NKAIN2: variants seen among roughly 807,000 people sequenced by gnomAD.
NKAIN2 encodes sodium/potassium transporting ATPase interacting 2, also known as sodium/potassium-transporting ATPase subunit beta-1-interacting protein 2.
Under a neutral mutation model 32.6 loss-of-function variants are expected in NKAIN2, and 14 were observed. The ratio of observed to expected loss-of-function variants is 0.43; its 90% CI spans 0.28 to 0.67. NKAIN2 has a LOEUF of 0.67. NKAIN2 is among the 30% of genes least tolerant of loss of function. NKAIN2 has a pLI of 0.17. For synonymous variants in NKAIN2, 80 were observed against 87.2 expected (o/e 0.92, Z 0.46); for missense variants, 198 against 258.3 (o/e 0.77, Z 1.60).
intron 4 of NKAIN2, among the ~76,000 whole-genome samples, chr6:124,692,764 C>T (rs9388356): frequency 0.36 from 54,359 of 151,250 alleles, 9,919 homozygotes; most frequent in Non-Finnish European, 0.37. Flanking sequence ...TGCAGTGAGC[C>T]GAGATCACAC....
chr6:124,422,209 T>G (rs1170323728), intron 3 of NKAIN2, among the ~76,000 whole-genome samples: 1 of 152,142 alleles, frequency 6.6e-6, no homozygotes, highest in Non-Finnish European at 1.5e-5. Flanking sequence ...TCATTTCAAT[T>G]GAACTTTTTA....
intron 1 of NKAIN2, among the ~76,000 whole-genome samples, chr6:124,085,141 A>T (rs79290731): frequency 0.037 from 5,651 of 152,132 alleles, 349 homozygotes; most frequent in African/African-American, 0.13. Context: ...TTGTCTTTTT[A>T]AAATAGATTT....
chr6:123,841,063 T>C (rs922053996), intron 1 of NKAIN2, among the ~76,000 whole-genome samples: 1 of 152,138 alleles, frequency 6.6e-6, no homozygotes, highest in Non-Finnish European at 1.5e-5. Flanking sequence ...ATGTCCAAAC[T>C]CAGGTACTTT....
chr6:123,897,679 T>A (rs955721050), intron 1 of NKAIN2, among the ~76,000 whole-genome samples: 3 of 152,030 alleles, frequency 2.0e-5, no homozygotes, highest in Admixed American at 2.0e-4. Context: ...TTGTTCAATA[T>A]CTTGAATGTC....
At chr6:124,183,621 T>G (rs997919544) in intron 1 of NKAIN2, among the ~76,000 whole-genome samples, 3 of 152,148 alleles carry the variant, frequency 2.0e-5, no homozygotes, top group African/African-American at 7.2e-5. Context: ...AACACTCTTT[T>G]TTCTTCAACA....
intron 3 of NKAIN2, among the ~76,000 whole-genome samples, chr6:124,423,669 A>G (rs61377898): frequency 0.031 from 4,751 of 152,268 alleles, 249 homozygotes; most frequent in African/African-American, 0.11. Flanking sequence ...GGATGGGATT[A>G]TGGCCCTTAT....
rs1469160470 is a variant in NKAIN2 at position 124,131,125 on chromosome 6, G to A, written c.55-151880G>A. Among the ~76,000 whole-genome samples, 6 of 152,080 alleles carry A rather than the reference G, an allele frequency of 3.9e-5. No homozygotes were observed. In the East Asian group the frequency reaches 1.2e-3, roughly 29 times the overall value. On this transcript the variant is annotated intron_variant, in intron 1 of 6. Transcript: ENST00000368417. ...ACTTTACCCTCCACGAGAAACTTCTGAGTTGAGTTTTGTTGTTGTTGTTGT... is the reference window on the plus strand; with the variant it reads ...ACTTTACCCTCCACGAGAAACTTCTAAGTTGAGTTTTGTTGTTGTTGTTGT...
intron 1 of NKAIN2, among the ~76,000 whole-genome samples, chr6:124,149,086 A>T (rs1264979290): frequency 6.6e-6 from 1 of 152,110 alleles, no homozygotes; most frequent in African/African-American, 2.4e-5. Context: ...ACATTCTTGT[A>T]AGCCATTTGG....
chr6:124,039,979 C>A (rs891997988), intron 1 of NKAIN2, among the ~76,000 whole-genome samples: 1 of 151,948 alleles, frequency 6.6e-6, no homozygotes, highest in Non-Finnish European at 1.5e-5. Flanking sequence ...CCCACCCTCA[C>A]CACCCTCAAC....
chr6:124,133,852 G>T (rs1262112903), intron 1 of NKAIN2, among the ~76,000 whole-genome samples: 1 of 151,384 alleles, frequency 6.6e-6, no homozygotes, highest in African/African-American at 2.4e-5. Context: ...GGGGAAAAAA[G>T]AAATTTAAAT....
At chr6:124,671,631 T>C (rs1410400413) in intron 4 of NKAIN2, among the ~76,000 whole-genome samples, 1 of 152,118 alleles carries the variant, frequency 6.6e-6, no homozygotes, top group Non-Finnish European at 1.5e-5. Flanking sequence ...AATCTGTTTT[T>C]GCCTTAATCC....
chr6:124,028,309 T>C (rs975835463), intron 1 of NKAIN2, among the ~76,000 whole-genome samples: 4 of 148,894 alleles, frequency 2.7e-5, no homozygotes, highest in African/African-American at 9.9e-5. Context: ...AATCTAACTC[T>C]GAATGAGGAG....
At chr6:123,911,812 T>TACACACACACACACACAC (rs60501930) in intron 1 of NKAIN2, among the ~76,000 whole-genome samples, 1 of 85,014 alleles carries the variant, frequency 1.2e-5, no homozygotes, top group African/African-American at 4.6e-5. Context: ...TATATATATA[T>TACACACACACACACACAC]ACACACACAC....
intron 2 of NKAIN2, among the ~76,000 whole-genome samples, chr6:124,299,802 G>T (rs184603244): frequency 6.6e-6 from 1 of 152,298 alleles, no homozygotes; most frequent in Admixed American, 6.5e-5. Context: ...CTACGAAAAT[G>T]TATGGAAATG....
intron 1 of NKAIN2, among the ~76,000 whole-genome samples, chr6:124,057,361 A>G (rs1782703922): frequency 1.3e-5 from 2 of 152,114 alleles, no homozygotes; most frequent in African/African-American, 4.8e-5. Context: ...GGTTGAATGC[A>G]CAACTTAAAT....
chr6:124,807,950 C>T (rs74343789), intron 5 of NKAIN2, among the ~76,000 whole-genome samples: 20,669 of 134,700 alleles, frequency 0.15, 2,066 homozygotes, highest in East Asian at 0.49. Flanking sequence ...GTTGAATCTC[C>T]GAATAGACCA....
intron 4 of NKAIN2, among the ~76,000 whole-genome samples, chr6:124,740,850 T>C (rs1243522153): frequency 6.6e-6 from 1 of 151,828 alleles, no homozygotes; most frequent in Non-Finnish European, 1.5e-5. Context: ...AATTATATAT[T>C]AGGAAAAGTT....
chr6:124,374,349 C>A (rs1160303622), intron 3 of NKAIN2, among the ~76,000 whole-genome samples: 1 of 151,870 alleles, frequency 6.6e-6, no homozygotes, highest in African/African-American at 2.4e-5. Context: ...GAGTGACCCA[C>A]AAGAATCTAT....
chr6:124,114,707 A>T lies in NKAIN2; in HGVS notation c.55-168298A>T, dbSNP rs142279116. On this transcript the variant is annotated intron_variant, in intron 1 of 6. Coordinates refer to ENST00000368417, the MANE Select transcript of NKAIN2 (RefSeq NM_001040214.3). ...CCAGAGAGGACAGAAGAAACGAGAG[A>T]ATGTGACACTCAGAAGCCCAATAAA... Among the ~76,000 whole-genome samples, 934 of 152,268 alleles carry T rather than the reference A, an allele frequency of 6.1e-3. 10 individuals are homozygous for T. Among genetic ancestry groups the T allele is most frequent in the Middle Eastern group, 0.031 (9 of 294 alleles).
Sources: allele counts gnomAD v4.1 joint callset (sites outside exome capture counted in the v4.1 genomes callset), GRCh38; gene constraint gnomAD v4.1.1; transcripts MANE v1.5; gene names NCBI Gene and HGNC (gene_info 2026-07-23, HGNC 2026-07-21).